PDE10A: variants seen among roughly 807,000 people sequenced by gnomAD.
PDE10A encodes phosphodiesterase 10A, also known as cAMP and cAMP-inhibited cGMP 3',5'-cyclic phosphodiesterase 10A.
Under a neutral mutation model 97.7 loss-of-function variants are expected in PDE10A, and 39 were observed. The ratio of observed to expected loss-of-function variants is 0.40; its 90% CI spans 0.31 to 0.52. The LOEUF is 0.52. PDE10A is among the 20% of genes least tolerant of loss of function. PDE10A has a pLI of 0.56. For missense variants in PDE10A, 731 were observed against 1,047.8 expected (o/e 0.70, Z 4.17); for synonymous variants, 371 against 376.8 (o/e 0.98, Z 0.18).
chr6:165,713,383 C>A (rs1303071074), intron 1 of PDE10A, among the ~76,000 whole-genome samples: 1 of 152,232 alleles, frequency 6.6e-6, no homozygotes, highest in Admixed American at 6.5e-5. Flanking sequence ...AAGCAACTAC[C>A]TTCAGAAGTG....
chr6:165,852,406 T>C (rs571855424), intron 1 of PDE10A, among the ~76,000 whole-genome samples: 7 of 152,334 alleles, frequency 4.6e-5, no homozygotes, highest in African/African-American at 1.7e-4. Flanking sequence ...GTTGGCCTTA[T>C]TGAAAAATCT....
At chr6:165,846,707 TTGAAA>T (rs1169041290) in intron 1 of PDE10A, among the ~76,000 whole-genome samples, 2 of 152,174 alleles carry the variant, frequency 1.3e-5, no homozygotes, top group Non-Finnish European at 2.9e-5. Flanking sequence ...ATATGAGCAA[TTGAAA>T]TGAACAATTT....
At chr6:165,600,452 C>T (rs189884961) in intron 1 of PDE10A, among the ~76,000 whole-genome samples, 1 of 152,228 alleles carries the variant, frequency 6.6e-6, no homozygotes, top group African/African-American at 2.4e-5. Flanking sequence ...GTTCAAGAAA[C>T]CAAATTGTGT....
intron 1 of PDE10A, among the ~76,000 whole-genome samples, chr6:165,757,201 A>G (rs1354000912): frequency 1.3e-5 from 2 of 152,048 alleles, no homozygotes; most frequent in Non-Finnish European, 2.9e-5. Flanking sequence ...TCCTGACCTC[A>G]TGATCTGCCT....
chr6:165,897,338 G>T (rs1037409172), intron 1 of PDE10A, among the ~76,000 whole-genome samples: 2 of 151,896 alleles, frequency 1.3e-5, no homozygotes. Context: ...GAAACACCTG[G>T]GGAGGGATGC....
intron 1 of PDE10A, among the ~76,000 whole-genome samples, chr6:165,834,038 A>AGAT (rs1329720929): frequency 6.6e-6 from 1 of 152,236 alleles, no homozygotes; most frequent in Non-Finnish European, 1.5e-5. Flanking sequence ...GTGACTGAAT[A>AGAT]GATAAGGAAT....
intron 1 of PDE10A, among the ~76,000 whole-genome samples, chr6:165,812,127 C>T (rs1270226840): frequency 6.6e-6 from 1 of 152,092 alleles, no homozygotes; most frequent in African/African-American, 2.4e-5. Context: ...GTTGGGACTA[C>T]AGGCGTGAGC....
intron 1 of PDE10A, among the ~76,000 whole-genome samples, chr6:165,899,108 G>C (rs555719170): frequency 2.6e-5 from 4 of 152,224 alleles, no homozygotes; most frequent in Non-Finnish European, 5.9e-5. Flanking sequence ...GCATCCAGAA[G>C]AGTGTCTGGC....
intron 10 of PDE10A, among the ~76,000 whole-genome samples, chr6:165,419,848 C>T (rs1007548894): frequency 6.6e-6 from 1 of 152,106 alleles, no homozygotes; most frequent in Non-Finnish European, 1.5e-5. Context: ...GCAGCCAGGG[C>T]AAAATATAGC....
At chr6:165,916,572 G>A (rs1256795478) in intron 1 of PDE10A, among the ~76,000 whole-genome samples, 1 of 152,216 alleles carries the variant, frequency 6.6e-6, no homozygotes, top group South Asian at 2.1e-4. Context: ...TGACAAAGGA[G>A]CAAAGAAAAT....
In PDE10A at chr6:165,575,286, T is replaced by C. The variant is rs151056307; in HGVS notation, c.866-31718A>G. 3.7e-3 allele frequency among the ~76,000 whole-genome samples: 563 copies of C among 152,318 alleles called. 7 individuals are homozygous for C. Among genetic ancestry groups the C allele is most frequent in the Non-Finnish European group, 6.0e-3 (406 of 68,026 alleles). The stretch of plus-strand genomic sequence containing the variant: ...GTCATGTCAATTCTTTTCTGCCTCT[T>C]AGATGGCTCCCTATACTGATCCCAC... On this transcript the variant is annotated intron_variant, in intron 1 of 21. Coordinates refer to ENST00000539869, the MANE Select transcript of PDE10A (RefSeq NM_001385079.1).
chr6:165,410,304 T>C (rs1787638564), intron 13 of PDE10A, among the ~76,000 whole-genome samples: 1 of 152,240 alleles, frequency 6.6e-6, no homozygotes, highest in Admixed American at 6.5e-5. Flanking sequence ...GAATTATCAG[T>C]ACTTTTTGGC....
intron 9 of PDE10A, among the ~76,000 whole-genome samples, chr6:165,429,928 A>T (rs1465590286): frequency 1.3e-5 from 2 of 152,122 alleles, no homozygotes; most frequent in Non-Finnish European, 2.9e-5. Context: ...TAGAAAAACC[A>T]AATAGGACTT....
intron 1 of PDE10A, among the ~76,000 whole-genome samples, chr6:165,907,134 T>G (rs1378047312): frequency 6.6e-6 from 1 of 152,322 alleles, no homozygotes; most frequent in East Asian, 1.9e-4. Context: ...CTTGTTGGCT[T>G]ATATGTAGCA....
chr6:165,356,851 T>C (rs1164021499), intron 18 of PDE10A, among the ~76,000 whole-genome samples: 1 of 152,182 alleles, frequency 6.6e-6, no homozygotes, highest in Admixed American at 6.5e-5. Context: ...AGATGGCATG[T>C]AATTTAAAAA....
chr6:165,578,458 G>A (rs1785435523), intron 1 of PDE10A, among the ~76,000 whole-genome samples: 1 of 152,062 alleles, frequency 6.6e-6, no homozygotes, highest in African/African-American at 2.4e-5. Flanking sequence ...ACAACAGTCT[G>A]TTTCAGATTT....
intron 2 of PDE10A, among the ~76,000 whole-genome samples, chr6:165,527,224 T>A (rs1782499546): frequency 6.6e-6 from 1 of 152,180 alleles, no homozygotes. Flanking sequence ...CTATTTGGAT[T>A]TTGGAGGCCA....
At chr6:165,770,995 G>A (rs1330537035) in intron 1 of PDE10A, among the ~76,000 whole-genome samples, 7 of 152,160 alleles carry the variant, frequency 4.6e-5, no homozygotes, top group South Asian at 2.1e-4. Flanking sequence ...CCGGTGGGAC[G>A]GAGCTCCATC....
At chr6:165,519,804 A>G (rs1782026680) in intron 2 of PDE10A, among the ~76,000 whole-genome samples, 1 of 152,194 alleles carries the variant, frequency 6.6e-6, no homozygotes, top group Admixed American at 6.6e-5. Context: ...TGAAGTGTAG[A>G]AAATTATGTG....
Sources: allele counts gnomAD v4.1 joint callset (sites outside exome capture counted in the v4.1 genomes callset), GRCh38; gene constraint gnomAD v4.1.1; transcripts MANE v1.5; gene names NCBI Gene and HGNC (gene_info 2026-07-23, HGNC 2026-07-21).